Variants in BPIFA2 observed in about 807,000 individuals in gnomAD.
BPIFA2 encodes the protein BPI fold containing family A member 2.
BPIFA2 carries 20 observed loss-of-function variants against 25.7 expected under a neutral mutation model. The observed-to-expected ratio is 0.78, with a 90% CI of 0.55 to 1.13. The LOEUF (loss-of-function observed/expected upper bound fraction) is 1.13, where lower values mean the gene tolerates loss of function less well. Among genes scored for constraint, BPIFA2 ranks in the 50% most tolerant of loss-of-function variants. BPIFA2 has a pLI of 0.00. For missense variants in BPIFA2, 300 were observed against 298.1 expected, an observed-to-expected ratio of 1.01 and a Z score of -0.05; for synonymous variants, 126 against 124.3, an observed-to-expected ratio of 1.01 and a Z score of -0.09.
At chr20:33,170,706 C>G (rs930013911) in intron 2 of BPIFA2, among the ~76,000 whole-genome samples, 5 of 152,160 alleles carry the variant, frequency 3.3e-5, no homozygotes, top group Admixed American at 3.3e-4. Context: ...GACATTTATT[C>G]CCATCCCCCT....
chr20:33,175,549 T>G lies in BPIFA2; in HGVS notation c.553T>G (p.Leu185Val). The change falls in exon 5 of 9, where the codon TTG (leucine) becomes GTG (valine). Residue 185 changes from leucine to valine, a missense_variant. Leu to Val is a conservative substitution (Grantham distance 32). Coordinates refer to ENST00000354932, the MANE Select transcript of BPIFA2 (RefSeq NM_080574.4). ...ASDPTSISLS[L>V]LDKHSQIINK... Reference sequence around the variant, plus strand: ...TGACCCAACCAGCATCTCACTTTCCTTGCTGGACAAGTAAGTCCCATTCAT... The same window carrying G: ...TGACCCAACCAGCATCTCACTTTCCGTGCTGGACAAGTAAGTCCCATTCAT... 6 of 1,613,976 alleles carry G rather than the reference T, an allele frequency of 3.7e-6. No individual in the cohort carries two copies. Among genetic ancestry groups the G allele is most frequent in the Non-Finnish European group, 5.1e-6 (6 of 1,179,952 alleles).
intron 8 of BPIFA2, among the ~76,000 whole-genome samples, chr20:33,180,850 G>A (rs1405460294): frequency 6.6e-6 from 1 of 152,148 alleles, no homozygotes; most frequent in East Asian, 1.9e-4. Flanking sequence ...GCCAGTTATT[G>A]ACTGAGCCTT....
intron 5 of BPIFA2, 96 bp downstream of exon 5, chr20:33,175,655 T>G: frequency 7.4e-7 from 1 of 1,353,404 alleles, no homozygotes. Flanking sequence ...GGCCTAGTGG[T>G]GAAAGTGTTC....
chr20:33,179,704 G>T (rs1452170276), intron 7 of BPIFA2, 37 bp downstream of exon 7: 3 of 1,558,624 alleles, frequency 1.9e-6, no homozygotes, highest in South Asian at 1.1e-5. Flanking sequence ...TCTGAGGCAG[G>T]CATGGAGCTC....
upstream of BPIFA2, chr20:33,168,073 TG>T (rs1983776989): frequency 6.6e-6 from 1 of 152,234 alleles, no homozygotes. Flanking sequence ...TGTCCTTGGA[TG>T]ATCCCAGAAC....
intron 2 of BPIFA2, 126 bp downstream of exon 2, chr20:33,169,428 A>G: frequency 3.6e-6 from 3 of 839,426 alleles, no homozygotes; most frequent in Non-Finnish European, 3.7e-6. Flanking sequence ...GTGGCTATTC[A>G]ATTCCTGACT....
intron 1 of BPIFA2, 44 bp from the exon 2 acceptor site, chr20:33,169,087 C>T (rs1362434746): frequency 1.1e-5 from 16 of 1,507,466 alleles, no homozygotes; most frequent in Non-Finnish European, 1.4e-5. Context: ...GAGTCCATTT[C>T]CCTCTGGGCA....
chr20:33,176,055 CAAT>C (rs151095525), intron 5 of BPIFA2, among the ~76,000 whole-genome samples: 5,060 of 151,778 alleles, frequency 0.033, 185 homozygotes, highest in African/African-American at 0.095. Context: ...TAATGTCCCT[CAAT>C]AATAATAATA....
intron 6 of BPIFA2, among the ~76,000 whole-genome samples, chr20:33,178,707 A>C (rs1275666098): frequency 1.3e-5 from 2 of 152,202 alleles, no homozygotes; most frequent in Non-Finnish European, 2.9e-5. Flanking sequence ...GAGATTCTAA[A>C]TCAGTCATTC....
upstream of BPIFA2, among the ~76,000 whole-genome samples, chr20:33,164,020 C>T (rs559576435): frequency 1.3e-5 from 2 of 152,208 alleles, no homozygotes; most frequent in South Asian, 4.2e-4. Context: ...AGAGAATATG[C>T]CTTCTTGCCA....
intron 3 of BPIFA2, among the ~76,000 whole-genome samples, chr20:33,173,873 A>T (rs1274691289): frequency 6.6e-6 from 1 of 152,162 alleles, no homozygotes; most frequent in Non-Finnish European, 1.5e-5. Flanking sequence ...CTCCCCTAGG[A>T]ATCTGGGGGA....
chr20:33,164,088 C>G (rs1055674861), upstream of BPIFA2, among the ~76,000 whole-genome samples: 1 of 152,174 alleles, frequency 6.6e-6, no homozygotes, highest in Non-Finnish European at 1.5e-5. Context: ...GTCTCTGGGA[C>G]AAGGACTGAG....
At position 33,169,607 on chromosome 20, in the gene BPIFA2, C is replaced by T. The variant is rs114975371; in HGVS notation, c.157+305C>T. On this transcript the variant is annotated intron_variant, in intron 2 of 8. Coordinates refer to ENST00000354932, the MANE Select transcript of BPIFA2 (RefSeq NM_080574.4). ...TGTTAACACTTTCTCCAACAGTCTA[C>T]GAAAGTGCCTTTTTTCCCACTCCTT... 2.9e-3 allele frequency among the ~76,000 whole-genome samples: 446 copies of T among 152,306 alleles called. 1 individual carries two copies. The highest frequency in any genetic ancestry group is 0.01 in the African/African-American group (429 of 41,562).
At chr20:33,179,480 A>G (rs1984197248) in intron 6 of BPIFA2, 124 bp from the exon 7 acceptor site, 1 of 778,430 alleles carries the variant, frequency 1.3e-6, no homozygotes, top group East Asian at 2.5e-5. Context: ...TAAGGTTCAA[A>G]GATTCTAAGA....
At chr20:33,166,786 G>A (rs1486118773), upstream of BPIFA2, among the ~76,000 whole-genome samples, 1 of 152,234 alleles carries the variant, frequency 6.6e-6, no homozygotes, top group African/African-American at 2.4e-5. Context: ...TGAGGCAACT[G>A]AGGCCTGGGC....
upstream of BPIFA2, among the ~76,000 whole-genome samples, chr20:33,164,384 C>T (rs1476186606): frequency 3.3e-5 from 5 of 152,128 alleles, no homozygotes; most frequent in Non-Finnish European, 7.4e-5. Flanking sequence ...CTGGGGAAGA[C>T]AGAAAGTCAA....
In BPIFA2 at chr20:33,174,186, G is replaced by C; in HGVS notation, c.410G>C (p.Gly137Ala). 5.0e-6 allele frequency: 8 copies of C among 1,613,786 alleles called. No homozygotes were observed. Among genetic ancestry groups the C allele is most frequent in the Non-Finnish European group, 6.8e-6 (8 of 1,179,696 alleles). ...FPVTANVTVA[G>A]PIIGQIINLK... ...GTCACCGCGAATGTCACTGTGGCCG[G>C]GTGAGTATGCACTAGAATCTGAGAT... The change falls in exon 4 of 9, where the codon GGG (glycine) becomes GCG (alanine). Residue 137 changes from glycine to alanine, a missense_variant and splice_region_variant. Gly to Ala is a moderately conservative substitution (Grantham distance 60). Transcript: ENST00000354932.
chr20:33,175,980 T>C (rs1984064030), intron 5 of BPIFA2, among the ~76,000 whole-genome samples: 1 of 152,170 alleles, frequency 6.6e-6, no homozygotes, highest in South Asian at 2.1e-4. Flanking sequence ...TGGAGCTCTG[T>C]TGTTAGGTGC....
chr20:33,166,899 C>T (rs923436146), upstream of BPIFA2, among the ~76,000 whole-genome samples: 3 of 152,246 alleles, frequency 2.0e-5, no homozygotes, highest in African/African-American at 4.8e-5. Flanking sequence ...GCCCTTGGCT[C>T]TGTGCTTCAC....
Sources: allele counts gnomAD v4.1 joint callset (sites outside exome capture counted in the v4.1 genomes callset), GRCh38; gene constraint gnomAD v4.1.1; transcripts MANE v1.5; gene names NCBI Gene and HGNC (gene_info 2026-07-23, HGNC 2026-07-21).